NECTIN4: variants seen among roughly 807,000 people sequenced by gnomAD.
The protein encoded by NECTIN4 is nectin-4.
In NECTIN4, 19 loss-of-function variants were observed where a neutral mutation model predicts 51.7. The observed-to-expected ratio is 0.37, with a 90% CI of 0.26 to 0.54. The LOEUF (loss-of-function observed/expected upper bound fraction) is 0.54. Among genes scored for constraint, NECTIN4 ranks in the 20% least tolerant of loss-of-function variants. The pLI, the probability that NECTIN4 is intolerant of heterozygous loss-of-function variation, is 0.86. For missense variants in NECTIN4, 619 were observed against 662.4 expected (o/e 0.93, Z 0.72); for synonymous variants, 283 against 286.9 (o/e 0.99, Z 0.14).
rs553796074 is a variant in NECTIN4 at position 161,077,584 on chromosome 1, C to T, written c.599G>A (p.Arg200His). ...TTSSRSFKHSRSAAVTSEFHL... is the reference protein window; with the variant it reads ...TTSSRSFKHSHSAAVTSEFHL... ...GAACTCTGAGGTGACGGCAGCAGAG[C>T]GGGAGTGCTTGAAGGAACGGCTGGA... The change falls in exon 3 of 9, where the codon CGC (arginine) becomes CAC (histidine). Residue 200 changes from arginine to histidine, a missense_variant. Arg to His is a conservative substitution (Grantham distance 29). Coordinates refer to ENST00000368012, the MANE Select transcript of NECTIN4 (RefSeq NM_030916.3). 10 of 1,613,912 alleles carry T rather than the reference C, an allele frequency of 6.2e-6. No homozygotes were observed. Among genetic ancestry groups the T allele is most frequent in the South Asian group, 2.2e-5 (2 of 91,080 alleles).
At chr1:161,077,795 G>C (rs1285455420) in intron 2 of NECTIN4, 52 bp from the exon 3 acceptor site, 1 of 1,526,656 alleles carries the variant, frequency 6.6e-7, no homozygotes, top group Non-Finnish European at 8.9e-7. Context: ...CCTGTCAGGA[G>C]GCCCCCACTC....
intron 3 of NECTIN4, 150 bp downstream of exon 3, chr1:161,077,303 C>T (rs1008206507): frequency 2.4e-6 from 2 of 848,824 alleles, no homozygotes; most frequent in Non-Finnish European, 4.0e-6. Context: ...GGCTCCAGGT[C>T]TTCCACATTT....
chr1:161,076,111 A>C (rs1464752070), intron 4 of NECTIN4, among the ~76,000 whole-genome samples: 1 of 152,170 alleles, frequency 6.6e-6, no homozygotes, highest in East Asian at 1.9e-4. Flanking sequence ...CAAAAAATTT[A>C]AGGGCTTATC....
In NECTIN4 at chr1:161,074,552, C is replaced by T. The variant is rs755147033; in HGVS notation, c.1000+59G>A. The T allele has an allele frequency of 9.4e-6, 15 of 1,603,586 alleles. No homozygotes were observed. In the South Asian group the frequency reaches 1.7e-4, roughly 18 times the overall value. ...TTCACTGTCTCTGTCTTGCTTCCTG[C>T]TGCCCCCACCAAGCCCTTGGCCCAG... On this transcript the variant is annotated intron_variant, in intron 5 of 8. Coordinates refer to ENST00000368012, the MANE Select transcript of NECTIN4 (RefSeq NM_030916.3).
At chr1:161,073,908 C>T in intron 6 of NECTIN4, 113 bp from the exon 7 acceptor site, 1 of 963,778 alleles carries the variant, frequency 1.0e-6, no homozygotes. Flanking sequence ...GCCGTGCTGG[C>T]CCTGCAAGTG....
intron 1 of NECTIN4, among the ~76,000 whole-genome samples, chr1:161,087,809 C>A (rs969791643): frequency 1.3e-5 from 2 of 152,048 alleles, no homozygotes; most frequent in South Asian, 4.1e-4. Flanking sequence ...AGTAATCTTG[C>A]AGATCTCACT....
chr1:161,088,089 C>T lies in NECTIN4; in HGVS notation c.79+1129G>A, dbSNP rs12027719. On this transcript the variant is annotated intron_variant, in intron 1 of 8. Coordinates refer to ENST00000368012, the MANE Select transcript of NECTIN4 (RefSeq NM_030916.3). Reference sequence around the variant, plus strand: ...GCAGGGGTAGGAGCTCAGTATCCTACGACTGGAGGCTGGGCCCATGACCTA... The same window carrying T: ...GCAGGGGTAGGAGCTCAGTATCCTATGACTGGAGGCTGGGCCCATGACCTA... Among the ~76,000 whole-genome samples the T allele has an allele frequency of 5.3e-4, 81 of 152,236 alleles. 1 individual carries two copies. The East Asian group carries it at 0.013, about 24-fold the overall frequency.
intron 1 of NECTIN4, among the ~76,000 whole-genome samples, chr1:161,080,279 A>G (rs961462761): frequency 1.3e-5 from 2 of 152,208 alleles, no homozygotes; most frequent in Non-Finnish European, 2.9e-5. Context: ...GTAACAGAAC[A>G]GGAGACCCAG....
At chr1:161,082,486 T>C (rs1653731979) in intron 1 of NECTIN4, among the ~76,000 whole-genome samples, 1 of 151,604 alleles carries the variant, frequency 6.6e-6, no homozygotes, top group Non-Finnish European at 1.5e-5. Context: ...AAAATAGGGA[T>C]GGAAGGAGGC....
intron 8 of NECTIN4, 72 bp from the exon 9 acceptor site, chr1:161,072,957 T>C: frequency 6.9e-7 from 1 of 1,455,572 alleles, no homozygotes; most frequent in African/African-American, 1.4e-5. Flanking sequence ...CATGGCTGGG[T>C]CATGGTGGGA....
intron 6 of NECTIN4, 65 bp from the exon 7 acceptor site, chr1:161,073,860 T>G: frequency 6.8e-7 from 1 of 1,460,126 alleles, no homozygotes; most frequent in South Asian, 1.1e-5. Flanking sequence ...GAGCCTATCC[T>G]GGCTGAGCCT....
chr1:161,074,173 G>A, intron 6 of NECTIN4, 44 bp downstream of exon 6: 2 of 1,612,530 alleles, frequency 1.2e-6, no homozygotes, highest in Middle Eastern at 1.7e-4. Flanking sequence ...CCTCTTCTTT[G>A]TTCTCAGCTT....
Position 161,089,063 on chromosome 1 carries a change from T to C in NECTIN4, c.79+155A>G, listed in dbSNP as rs1654073269. On this transcript the variant is annotated intron_variant, in intron 1 of 8. Transcript: ENST00000368012. This position sits in a 1 kb window ranked among gnomAD's most constrained non-coding sequence, Gnocchi z 4.1. ...ATACTGGCTTTTCTGGGGGCACTGCTGGAAGCTGGGGGCAGGAGAGACTGG... is the reference window on the plus strand; with the variant it reads ...ATACTGGCTTTTCTGGGGGCACTGCCGGAAGCTGGGGGCAGGAGAGACTGG... 6.6e-6 allele frequency among the ~76,000 whole-genome samples: 1 copy of C among 151,600 alleles called. No individual in the cohort carries two copies. Among genetic ancestry groups the C allele is most frequent in the South Asian group, 2.1e-4 (1 of 4,800 alleles).
At chr1:161,088,138 C>T (rs1654031350) in intron 1 of NECTIN4, among the ~76,000 whole-genome samples, 1 of 152,118 alleles carries the variant, frequency 6.6e-6, no homozygotes, top group South Asian at 2.1e-4. Flanking sequence ...GTTGGAGCAG[C>T]CCATACCTCC....
chr1:161,075,930 G>A (rs1653395300), intron 4 of NECTIN4, among the ~76,000 whole-genome samples: 1 of 151,968 alleles, frequency 6.6e-6, no homozygotes, highest in Admixed American at 6.6e-5. Flanking sequence ...ACAAAAATTA[G>A]CTGGGGTTGG....
intron 2 of NECTIN4, among the ~76,000 whole-genome samples, chr1:161,078,771 G>C (rs1364191520): frequency 6.6e-6 from 1 of 151,974 alleles, no homozygotes; most frequent in Non-Finnish European, 1.5e-5. Context: ...CAGCACTTTG[G>C]GAGGCCAAGA....
At chr1:161,083,351 G>A (rs1259181255) in intron 1 of NECTIN4, among the ~76,000 whole-genome samples, 1 of 152,194 alleles carries the variant, frequency 6.6e-6, no homozygotes, top group Non-Finnish European at 1.5e-5. Flanking sequence ...AGACCCAGAA[G>A]TCCAGGTTTC....
At chr1:161,073,404 C>T (rs1381104730) in intron 7 of NECTIN4, 105 bp from the exon 8 acceptor site, 12 of 938,590 alleles carry the variant, frequency 1.3e-5, no homozygotes, top group Non-Finnish European at 2.0e-5. Context: ...GCCTGTCCCC[C>T]AACCCAACAG....
chr1:161,079,654 G>C lies in NECTIN4; in HGVS notation c.375C>G (p.Tyr125Ter). 1 of 1,606,024 alleles carries C rather than the reference G, an allele frequency of 6.2e-7. No homozygotes were observed. Among genetic ancestry groups the C allele is most frequent in the Non-Finnish European group, 8.5e-7 (1 of 1,179,700 alleles). The change falls in exon 2 of 9, where the codon TAC (tyrosine) becomes TAG (stop). Residue 125 changes from tyrosine (Y) to a stop codon, truncating the protein, a stop_gained. Transcript: ENST00000368012. LOFTEE classifies it high-confidence loss of function. ...CGGGGAAGGTGCTGACCCGGCACTC[G>C]TACTCGCCCTCATCCGCCTGCACTG... is the stretch of plus-strand genomic sequence containing the variant. ...RNAVQADEGE[Y>*]ECRVSTFPAG...
Sources: allele counts gnomAD v4.1 joint callset (sites outside exome capture counted in the v4.1 genomes callset), GRCh38; gene constraint gnomAD v4.1.1; non-coding constraint Gnocchi (gnomAD v3.1); transcripts MANE v1.5; gene names NCBI Gene and HGNC (gene_info 2026-07-23, HGNC 2026-07-21).